STK38: variants seen among roughly 807,000 people sequenced by gnomAD.
The protein encoded by STK38 is serine/threonine-protein kinase 38.
In STK38, 26 loss-of-function variants were observed where a neutral mutation model predicts 59.0. That is an observed-to-expected ratio of 0.44 (90% CI 0.32 to 0.61). The LOEUF is 0.61. STK38 is among the 20% of genes least tolerant of loss of function. STK38 has a pLI of 0.04. For synonymous variants in STK38, 175 were observed against 176.6 expected (o/e 0.99, Z 0.07); for missense variants, 433 against 566.0 (o/e 0.76, Z 2.38).
At position 36,520,653 on chromosome 6, in the gene STK38, C is replaced by T. The variant is rs1485898852; in HGVS notation, c.390+1081G>A. Among the ~76,000 whole-genome samples, 5 of 152,104 alleles carry T rather than the reference C, an allele frequency of 3.3e-5. No homozygotes were observed. The East Asian group carries it at 7.7e-4, about 23-fold the overall frequency. ...AATTTGTAGATAGTATGTAAGTAGG[C>T]CGGCCTACTATGAATTTTGAAAAAG... On this transcript the variant is annotated intron_variant, in intron 5 of 13. Coordinates refer to ENST00000229812, the MANE Select transcript of STK38 (RefSeq NM_007271.4).
At position 36,527,207 on chromosome 6, in the gene STK38, A is replaced by AAAAATAT. The variant is rs60162863; in HGVS notation, c.132-1566_132-1565insATATTTT. ...ACTCCGTCTCAAAAAAAAAAAAAAA[A>AAAAATAT]ATATATGTATATATATATATATTTA... On this transcript the variant is annotated intron_variant, in intron 2 of 13. Transcript: ENST00000229812. 7.3e-4 allele frequency among the ~76,000 whole-genome samples: 87 copies of AAAAATAT among 119,342 alleles called. 2 individuals carry two copies. Among genetic ancestry groups the AAAAATAT allele is most frequent in the South Asian group, 2.9e-3 (12 of 4,068 alleles). The allele number at this position is 119,342 out of a possible 152,430, so 78.3% of individuals were successfully genotyped here.
At chr6:36,497,933 A>T in intron 11 of STK38, 58 bp from the exon 12 acceptor site, 4 of 1,253,700 alleles carry the variant, frequency 3.2e-6, no homozygotes, top group African/African-American at 1.6e-5. Context: ...AAAAAGAAAA[A>T]CTTTCTTTTT....
At position 36,525,473 on chromosome 6, in the gene STK38, C is replaced by G. The variant is rs999200088; in HGVS notation, c.183+118G>C. On this transcript the variant is annotated intron_variant, in intron 3 of 13. Transcript: ENST00000229812. Reference sequence around the variant, plus strand: ...CCAAATCCGGAAGCACACTACCCCTCAAGTTCCTCTGTTATTGAGCCAAAA... The same window carrying G: ...CCAAATCCGGAAGCACACTACCCCTGAAGTTCCTCTGTTATTGAGCCAAAA... 1.1e-5 allele frequency: 9 copies of G among 830,626 alleles called. No homozygotes were observed. In the African/African-American group the frequency reaches 1.4e-4, roughly 13 times the overall value. 51.5% of individuals were successfully genotyped at this position (830,626 alleles called of 1,614,324 possible). A position where few individuals can be genotyped will look rare whatever the true frequency, so the allele number is the denominator to read the frequency against.
chr6:36,541,841 T>A (rs940936836), intron 1 of STK38, among the ~76,000 whole-genome samples: 1 of 151,514 alleles, frequency 6.6e-6, no homozygotes, highest in Non-Finnish European at 1.5e-5. Context: ...CTTTTTTTTT[T>A]TTTTTGAGAT....
intron 2 of STK38, among the ~76,000 whole-genome samples, chr6:36,533,669 CAAT>C (rs1283859463): frequency 6.6e-6 from 1 of 152,126 alleles, no homozygotes; most frequent in East Asian, 1.9e-4. Flanking sequence ...TACATACCAA[CAAT>C]AAACCATAGC....
At chr6:36,508,346 TCATATAA>T (rs1198604275) in intron 7 of STK38, among the ~76,000 whole-genome samples, 6 of 152,242 alleles carry the variant, frequency 3.9e-5, no homozygotes, top group Non-Finnish European at 5.9e-5. Flanking sequence ...TTCTTAGCTC[TCATATAA>T]CATGGATTAT....
intron 7 of STK38, among the ~76,000 whole-genome samples, 156 bp from the exon 8 acceptor site, chr6:36,507,758 T>A (rs1777002009): frequency 6.6e-6 from 1 of 152,160 alleles, no homozygotes; most frequent in Non-Finnish European, 1.5e-5. Flanking sequence ...GCAGATAAAT[T>A]TTTTAATCCC....
At chr6:36,527,203 A>ATATATATATATAT (rs1421433987) in intron 2 of STK38, among the ~76,000 whole-genome samples, 1 of 121,140 alleles carries the variant, frequency 8.3e-6, no homozygotes, top group African/African-American at 3.4e-5. Context: ...AAAAAAAAAA[A>ATATATATATATAT]AAAAATATAT....
At chr6:36,503,015 C>A (rs1478284778) in intron 9 of STK38, among the ~76,000 whole-genome samples, 1 of 152,176 alleles carries the variant, frequency 6.6e-6, no homozygotes, top group Admixed American at 6.5e-5. Flanking sequence ...TGGATGGACA[C>A]TGGATTATTC....
rs1276393226 is a variant in STK38 at position 36,498,404 on chromosome 6, T to A, written c.1035A>T (p.Pro345=). The change falls in exon 11 of 14, where the codon CCA becomes CCT. Residue 345 remains proline (P), a synonymous_variant. Transcript: ENST00000229812. ...TGGCTTTCTCAGAGATGGGAACTTC[T>A]GGAGGAAAAGTCAAAGTTTCTTTCC... ...MNWKETLTFP[P]EVPISEKAKD... 1 of 1,614,058 alleles carries A rather than the reference T, an allele frequency of 6.2e-7. No individual in the cohort carries two copies. Among genetic ancestry groups the A allele is most frequent in the East Asian group, 2.2e-5 (1 of 44,864 alleles).
intron 2 of STK38, among the ~76,000 whole-genome samples, chr6:36,527,339 T>C (rs1045743757): frequency 2.4e-4 from 34 of 140,544 alleles, no homozygotes; most frequent in African/African-American, 7.9e-4. Context: ...TACACACACA[T>C]ATATGTAATA....
intron 9 of STK38, among the ~76,000 whole-genome samples, 182 bp downstream of exon 9, chr6:36,506,391 AACCTAATATT>A (rs1180325531): frequency 6.6e-6 from 1 of 152,188 alleles, no homozygotes; most frequent in Non-Finnish European, 1.5e-5. Flanking sequence ...CAATCAAAAC[AACCTAATATT>A]ACCTGTCCTC....
chr6:36,503,239 T>C (rs1776881668), intron 9 of STK38, among the ~76,000 whole-genome samples: 1 of 152,208 alleles, frequency 6.6e-6, no homozygotes, highest in African/African-American at 2.4e-5. Flanking sequence ...TTTTTTTTCC[T>C]TAAAGTAATA....
Position 36,513,192 on chromosome 6 carries a change from G to GT in STK38, c.669+2145dup, listed in dbSNP as rs1445803703. Among the ~76,000 whole-genome samples, 5 of 151,582 alleles carry GT rather than the reference G, an allele frequency of 3.3e-5. No homozygotes were observed. The East Asian group carries it at 9.8e-4, about 30-fold the overall frequency. On this transcript the variant is annotated intron_variant, in intron 7 of 13. Transcript: ENST00000229812. ...CCATCACTACACCCAGCTAATTTTTGTATTTTTAGTAGAGACAAGGTTTTA... is the reference window on the plus strand; with the variant it reads ...CCATCACTACACCCAGCTAATTTTTGTTATTTTTAGTAGAGACAAGGTTTTA...
chr6:36,498,576 T>C (rs1776761842), intron 10 of STK38, 90 bp from the exon 11 acceptor site: 1 of 1,404,966 alleles, frequency 7.1e-7, no homozygotes, highest in African/African-American at 1.5e-5. Flanking sequence ...CTATGTCTTT[T>C]TTTTTCTTTT....
chr6:36,537,846 C>G (rs1192417246), intron 2 of STK38, among the ~76,000 whole-genome samples: 1 of 151,812 alleles, frequency 6.6e-6, no homozygotes, highest in Non-Finnish European at 1.5e-5. Flanking sequence ...ATGCAGTAAG[C>G]TATGATAGTG....
rs1356574803 is a variant in STK38, at chr6:36,547,464, G to A, written c.-280C>T. On this transcript the variant is annotated 5_prime_UTR_variant, in exon 1 of 14. Transcript: ENST00000229812. ...GAGACGGGCTGGCGCGGCAGCCCGG[G>A]GCCGAGACTACGCATGCGCGACTTC... 3 of 152,190 alleles carry A rather than the reference G, an allele frequency of 2.0e-5. No homozygotes were observed. The highest frequency in any genetic ancestry group is 2.1e-4 in the South Asian group (1 of 4,836). The allele number at this position is 152,190 out of a possible 1,614,324, so 9.4% of individuals were successfully genotyped here.
intron 2 of STK38, among the ~76,000 whole-genome samples, chr6:36,530,178 T>C (rs1023022698): frequency 6.7e-6 from 1 of 150,222 alleles, no homozygotes; most frequent in African/African-American, 2.5e-5. Context: ...GAGGCAGAGG[T>C]TGCAGTGAGC....
intron 6 of STK38, 46 bp from the exon 7 acceptor site, chr6:36,515,538 AC>A: frequency 6.2e-7 from 1 of 1,603,804 alleles, no homozygotes. Context: ...ACACACACAC[AC>A]ACACACACAC....
Sources: allele counts gnomAD v4.1 joint callset (sites outside exome capture counted in the v4.1 genomes callset), GRCh38; gene constraint gnomAD v4.1.1; transcripts MANE v1.5; gene names NCBI Gene and HGNC (gene_info 2026-07-23, HGNC 2026-07-21).